ZFHX3: variants seen among roughly 807,000 people sequenced by gnomAD.
ZFHX3 encodes zinc finger homeobox protein 3.
ZFHX3 carries 42 observed loss-of-function variants against 279.1 expected under a neutral mutation model. The ratio of observed to expected loss-of-function variants is 0.15; its 90% CI spans 0.12 to 0.19. The LOEUF is 0.19. Among genes scored for constraint, ZFHX3 ranks in the 10% least tolerant of loss-of-function variants. The probability of loss-of-function intolerance (pLI) is 1.00; values close to 1 mark genes in which losing one functional copy is unlikely to be tolerated. For missense variants in ZFHX3, 4,981 were observed against 4,754.0 expected (o/e 1.05, Z -1.40); for synonymous variants, 2,293 against 1,957.8 (o/e 1.17, Z -4.52).
At chr16:73,542,907 T>A (rs1191159419) in intron 2 of ZFHX3, among the ~76,000 whole-genome samples, 1 of 152,138 alleles carries the variant, frequency 6.6e-6, no homozygotes, top group African/African-American at 2.4e-5. Flanking sequence ...TTCACTCTGT[T>A]GTGTAAATTT....
chr16:73,082,932 T>C (rs532015734), intron 8 of ZFHX3, among the ~76,000 whole-genome samples: 25 of 151,642 alleles, frequency 1.6e-4, no homozygotes, highest in African/African-American at 5.8e-4. Context: ...GCCTGTAATC[T>C]TAGCACTTTG....
At chr16:73,833,710 A>G (rs1961062162) in intron 1 of ZFHX3, among the ~76,000 whole-genome samples, 1 of 151,888 alleles carries the variant, frequency 6.6e-6, no homozygotes, top group Non-Finnish European at 1.5e-5. Context: ...CTATGTAACA[A>G]ACCTGCACAT....
chr16:73,223,329 AG>A (rs1000741730), intron 5 of ZFHX3, among the ~76,000 whole-genome samples: 13 of 152,178 alleles, frequency 8.5e-5, no homozygotes, highest in African/African-American at 3.1e-4. Flanking sequence ...TATCTGATAA[AG>A]GACTGTTATC....
intron 5 of ZFHX3, among the ~76,000 whole-genome samples, chr16:73,193,880 A>G (rs565620792): frequency 2.3e-4 from 35 of 152,194 alleles, no homozygotes; most frequent in Admixed American, 6.5e-4. Context: ...TGCTTAAACC[A>G]TGCCCTGGCA....
intron 5 of ZFHX3, among the ~76,000 whole-genome samples, chr16:73,225,377 A>T (rs1055582878): frequency 9.9e-5 from 15 of 152,118 alleles, no homozygotes; most frequent in Admixed American, 9.2e-4. Flanking sequence ...GCACCTTGTG[A>T]GGCCGAGGTG....
rs1177260205 is a variant in ZFHX3, at chr16:72,796,096, T to C, written c.6586A>G (p.Thr2196Ala). The change falls in exon 9 of 10, where the codon ACT becomes GCT. Residue 2196 changes from threonine to alanine, a missense_variant. Physicochemically the swap from Thr to Ala is moderately conservative, Grantham distance 58. This residue lies in a region of ZFHX3 where 177 missense variants were observed against 244.2 expected (regional missense o/e 0.72). Coordinates refer to ENST00000268489, the MANE Select transcript of ZFHX3 (RefSeq NM_006885.4). Reference protein sequence around the residue: ...QKVIKHWFRNTLFKERQRNKD... With the variant: ...QKVIKHWFRNALFKERQRNKD... ...TTACGCTGCCTCTCTTTGAAGAGAG[T>C]GTTCCTGAACCAGTGCTTGATCACT... 6.2e-7 allele frequency: 1 copy of C among 1,614,116 alleles called. No individual in the cohort carries two copies. Among genetic ancestry groups the C allele is most frequent in the Admixed American group, 1.7e-5 (1 of 60,012 alleles).
At chr16:73,085,550 A>G (rs980127931) in intron 8 of ZFHX3, among the ~76,000 whole-genome samples, 5 of 152,104 alleles carry the variant, frequency 3.3e-5, no homozygotes, top group African/African-American at 1.2e-4. Context: ...CTGGGCTACA[A>G]CTCATTTTCA....
intron 8 of ZFHX3, among the ~76,000 whole-genome samples, chr16:73,072,245 G>A (rs1438838333): frequency 2.0e-5 from 3 of 152,096 alleles, no homozygotes; most frequent in Non-Finnish European, 4.4e-5. Flanking sequence ...AGGAGTTCAA[G>A]ACCAGCCTGG....
intron 7 of ZFHX3, chr16:73,126,843 G>C (rs1445637368): frequency 1.3e-5 from 2 of 152,548 alleles, no homozygotes; most frequent in African/African-American, 4.8e-5. Flanking sequence ...CAGCAGTCTT[G>C]GTTTCCTGCA....
chr16:73,037,151 T>A (rs1037729919), intron 1 of ZFHX3, among the ~76,000 whole-genome samples: 33 of 152,146 alleles, frequency 2.2e-4, no homozygotes, highest in African/African-American at 8.0e-4. Flanking sequence ...GAGTCCAAAC[T>A]AGCTCAAGAA....
intron 1 of ZFHX3, among the ~76,000 whole-genome samples, chr16:73,713,750 T>C (rs1322923804): frequency 1.3e-5 from 2 of 152,168 alleles, no homozygotes; most frequent in African/African-American, 4.8e-5. Context: ...TCAATCCATA[T>C]GCTCACGCTT....
intron 5 of ZFHX3, among the ~76,000 whole-genome samples, chr16:73,153,345 C>T (rs1028966727): frequency 5.3e-5 from 8 of 152,144 alleles, no homozygotes; most frequent in African/African-American, 1.7e-4. Flanking sequence ...TCTCAAACTC[C>T]GGCTCAAAGA....
At chr16:72,811,060 T>A (rs764740126) in intron 7 of ZFHX3, among the ~76,000 whole-genome samples, 43 of 152,120 alleles carry the variant, frequency 2.8e-4, no homozygotes, top group Middle Eastern at 3.4e-3. Flanking sequence ...TTTTAAAGTA[T>A]GTTTTGTAGA....
intron 4 of ZFHX3, among the ~76,000 whole-genome samples, chr16:72,871,236 C>T (rs1015605656): frequency 3.9e-5 from 6 of 152,014 alleles, no homozygotes; most frequent in East Asian, 1.9e-4. Flanking sequence ...AGTGCAATGG[C>T]GCAATCTTGG....
At chr16:73,854,487 G>A (rs1044634649) in intron 1 of ZFHX3, among the ~76,000 whole-genome samples, 1 of 152,066 alleles carries the variant, frequency 6.6e-6, no homozygotes, top group Admixed American at 6.6e-5. Flanking sequence ...TTGTGCCACT[G>A]CACTCCAGCC....
intron 4 of ZFHX3, among the ~76,000 whole-genome samples, chr16:72,852,762 G>C (rs1298306312): frequency 6.6e-6 from 1 of 152,178 alleles, no homozygotes; most frequent in Non-Finnish European, 1.5e-5. Flanking sequence ...AGTGGCAGTT[G>C]ATAACCTAAC....
At chr16:73,404,213 T>G (rs1057501264) in intron 3 of ZFHX3, among the ~76,000 whole-genome samples, 1 of 151,826 alleles carries the variant, frequency 6.6e-6, no homozygotes, top group Admixed American at 6.6e-5. Context: ...CCCACTTAGC[T>G]CAGTCCTGGA....
chr16:73,291,841 G>T (rs2014779884), intron 4 of ZFHX3, among the ~76,000 whole-genome samples: 1 of 152,170 alleles, frequency 6.6e-6, no homozygotes, highest in South Asian at 2.1e-4. Context: ...CCTGGCTTGG[G>T]GGCTGTCTCT....
chr16:73,283,260 T>C (rs1371189598), intron 4 of ZFHX3, among the ~76,000 whole-genome samples: 4 of 152,210 alleles, frequency 2.6e-5, no homozygotes, highest in Non-Finnish European at 5.9e-5. Flanking sequence ...GGTATTGCTT[T>C]CTGAGGTCAT....
Sources: gnomAD v4.1 joint callset for allele counts (sites outside exome capture counted in the v4.1 genomes callset) on GRCh38, gnomAD v4.1.1 for gene constraint, gnomAD v4.1.1 regional missense constraint, MANE v1.5 for transcripts, NCBI Gene and HGNC (gene_info 2026-07-23, HGNC 2026-07-21) for gene names.